Variants in DNAH3 observed in about 807,000 individuals in gnomAD.
DNAH3 encodes the protein axonemal beta dynein heavy chain 3.
DNAH3 carries 332 observed loss-of-function variants against 432.5 expected under a neutral mutation model. The observed-to-expected ratio is 0.77, with a 90% CI of 0.70 to 0.84. The LOEUF is 0.84. Among genes scored for constraint, DNAH3 ranks in the 40% least tolerant of loss-of-function variants. The pLI is 0.00. For synonymous variants in DNAH3, 1,956 were observed against 1,900.2 expected (o/e 1.03, Z -0.76); for missense variants, 4,861 against 5,114.0 (o/e 0.95, Z 1.51).
intron 51 of DNAH3, among the ~76,000 whole-genome samples, chr16:20,973,802 C>T (rs975431636): frequency 3.3e-4 from 50 of 152,130 alleles, no homozygotes; most frequent in African/African-American, 1.0e-3. Context: ...GCCTACAACA[C>T]GCCAGGCATA....
At chr16:21,096,714 A>G in intron 18 of DNAH3, among the ~76,000 whole-genome samples, 1 of 151,500 alleles carries the variant, frequency 6.6e-6, no homozygotes, top group East Asian at 1.9e-4. Context: ...TTTTTCAGTG[A>G]TGGTAATACC....
At chr16:21,110,504 G>C (rs2092045061) in intron 14 of DNAH3, among the ~76,000 whole-genome samples, 1 of 152,202 alleles carries the variant, frequency 6.6e-6, no homozygotes, top group African/African-American at 2.4e-5. Flanking sequence ...AGCCAACGTG[G>C]AGGAAAGCCA....
intron 7 of DNAH3, among the ~76,000 whole-genome samples, chr16:21,130,565 A>T (rs1425076580): frequency 6.6e-6 from 1 of 152,098 alleles, no homozygotes; most frequent in Non-Finnish European, 1.5e-5. Flanking sequence ...TCAGCCTCCC[A>T]AGGTGCTGGG....
chr16:20,986,488 CAG>C (rs1279454375), intron 47 of DNAH3, among the ~76,000 whole-genome samples: 1 of 152,072 alleles, frequency 6.6e-6, no homozygotes, highest in Non-Finnish European at 1.5e-5. Flanking sequence ...GCCTGGGTGA[CAG>C]AGTGAGGTCC....
chr16:21,054,174 T>C (rs915884115), intron 28 of DNAH3, among the ~76,000 whole-genome samples: 2 of 152,176 alleles, frequency 1.3e-5, no homozygotes, highest in African/African-American at 4.8e-5. Context: ...AGAAATGACT[T>C]TGGCCATCAT....
chr16:21,135,233 CTGAT>C (rs1296088348), intron 6 of DNAH3, among the ~76,000 whole-genome samples: 1 of 152,166 alleles, frequency 6.6e-6, no homozygotes, highest in Non-Finnish European at 1.5e-5. Flanking sequence ...TCATTAGTCA[CTGAT>C]TGATTTCTCA....
intron 6 of DNAH3, among the ~76,000 whole-genome samples, chr16:21,135,420 C>T (rs535369774): frequency 3.3e-5 from 5 of 151,968 alleles, no homozygotes; most frequent in Non-Finnish European, 5.9e-5. Flanking sequence ...AGGCTGGGTG[C>T]GGTGGCTCAC....
At chr16:20,987,901 AC>A (rs771998085) in intron 45 of DNAH3, 40 bp downstream of exon 45, 7 of 1,613,658 alleles carry the variant, frequency 4.3e-6, no homozygotes, top group Non-Finnish European at 5.9e-6. Context: ...GAAACTGAGA[AC>A]CCCCAGCCCA....
intron 18 of DNAH3, among the ~76,000 whole-genome samples, chr16:21,093,797 CA>C (rs1378777941): frequency 2.6e-5 from 4 of 152,024 alleles, no homozygotes; most frequent in African/African-American, 7.2e-5. Flanking sequence ...TGATTTTTGA[CA>C]AAGATACAAT....
At position 20,935,376 on chromosome 16, in the gene DNAH3, G is replaced by A. The variant is rs1217168383; in HGVS notation, c.11969C>T (p.Pro3990Leu). The A allele has an allele frequency of 8.7e-6, 14 of 1,613,808 alleles. No individual in the cohort carries two copies. The Middle Eastern group carries it at 6.6e-4, about 76-fold the overall frequency. ...AAACTCAAATCCAATGTGGTCAATGGGGATGGTATATTTCCGGGCATAATT... is the reference window on the plus strand; with the variant it reads ...AAACTCAAATCCAATGTGGTCAATGAGGATGGTATATTTCCGGGCATAATT... Residue 3990 changes from proline (P) to leucine (L), a missense_variant, in exon 61 of 62, where the codon CCC becomes CTC. Physicochemically the swap from Pro to Leu is moderately conservative, Grantham distance 98. Transcript: ENST00000261383.
chr16:20,968,692 T>C (rs1269164148), intron 52 of DNAH3, among the ~76,000 whole-genome samples: 1 of 151,798 alleles, frequency 6.6e-6, no homozygotes, highest in East Asian at 1.9e-4. Flanking sequence ...CTCTCTTTCT[T>C]CCTCTCCATT....
At chr16:21,048,418 G>A (rs569779301) in intron 31 of DNAH3, among the ~76,000 whole-genome samples, 4 of 152,308 alleles carry the variant, frequency 2.6e-5, no homozygotes, top group South Asian at 2.1e-4. Flanking sequence ...CGCAGTATTC[G>A]GGTGGGAGTG....
In DNAH3 at chr16:20,935,410, C is replaced by T. The variant is rs377222116; in HGVS notation, c.11935G>A (p.Val3979Ile). Residue 3979 changes from valine (V) to isoleucine (I), a missense_variant, in exon 61 of 62, where the codon GTC becomes ATC. Coordinates refer to ENST00000261383, the Ensembl canonical transcript of DNAH3. ...TATTTCCGGGCATAATTTTGAGAGA[C>T]GCCAGTCAAAAAAGACTGTGTGAAG... 3.7e-5 allele frequency: 59 copies of T among 1,612,448 alleles called. No individual in the cohort carries two copies. The highest frequency in any genetic ancestry group is 1.3e-4 in the Admixed American group (8 of 59,552).
At position 20,963,908 on chromosome 16, in the gene DNAH3, T is replaced by G. The variant is rs145236750; in HGVS notation, c.9976A>C (p.Ile3326Leu). The stretch of plus-strand genomic sequence containing the variant: ...GTCAAGGAATGCATGTAGAGATTTA[T>G]GAACCAAGTCAGGGAGTACTGGTAC... The change falls in exon 53 of 62, where the codon ATA becomes CTA. Residue 3326 changes from isoleucine (I) to leucine (L), a missense_variant. Ile to Leu is a conservative substitution (Grantham distance 5, BLOSUM62 2). Coordinates refer to ENST00000261383, the Ensembl canonical transcript of DNAH3. 93 of 1,614,042 alleles carry G rather than the reference T, an allele frequency of 5.8e-5. 2 individuals are homozygous for G. The Middle Eastern group carries it at 9.9e-4, about 17-fold the overall frequency.
At chr16:21,086,696 C>T (rs2091384546) in intron 19 of DNAH3, among the ~76,000 whole-genome samples, 153 bp downstream of exon 19, 1 of 152,198 alleles carries the variant, frequency 6.6e-6, no homozygotes, top group South Asian at 2.1e-4. Flanking sequence ...CTTCAGAAGT[C>T]TTGCCACTCT....
At chr16:21,136,500 T>G in exon 6 of DNAH3, 1 of 1,614,144 alleles carries the variant, frequency 6.2e-7, no homozygotes, top group Non-Finnish European at 8.5e-7. Flanking sequence ...ATTGGTCAGA[T>G]AGTAATAGTA....
chr16:21,147,013 G>A (rs978321643), intron 1 of DNAH3, among the ~76,000 whole-genome samples: 2 of 151,644 alleles, frequency 1.3e-5, no homozygotes, highest in African/African-American at 4.8e-5. Context: ...GCCCTCCTCG[G>A]CCTCCCAAAG....
intron 59 of DNAH3, among the ~76,000 whole-genome samples, chr16:20,938,869 C>G (rs903507148): frequency 3.9e-5 from 6 of 152,036 alleles, no homozygotes; most frequent in Admixed American, 3.3e-4. Context: ...CTCCACTTCC[C>G]AGGCCCAAGC....
In DNAH3 at chr16:21,137,261, T is replaced by TAAA. The variant is rs60457553; in HGVS notation, c.697-751_697-749dup. On this transcript the variant is annotated intron_variant, in intron 5 of 61. Coordinates refer to ENST00000261383, the Ensembl canonical transcript of DNAH3. ...AGACAAACAGGGTTGGATTTCTGTC[T>TAAA]AAAAAAAAAAAAAAAAAAGTAAAGG... is the stretch of plus-strand genomic sequence containing the variant. 1.1e-3 allele frequency among the ~76,000 whole-genome samples: 124 copies of TAAA among 117,014 alleles called. 1 individual carries two copies. Among genetic ancestry groups the TAAA allele is most frequent in the African/African-American group, 3.9e-3 (122 of 31,206 alleles). The allele number at this position is 117,014 out of a possible 152,430, so 76.8% of individuals were successfully genotyped here. A position where few individuals can be genotyped will look rare whatever the true frequency, so the allele number is the denominator to read the frequency against.
Sources: gnomAD v4.1 joint callset for allele counts (sites outside exome capture counted in the v4.1 genomes callset) on GRCh38, gnomAD v4.1.1 for gene constraint, MANE v1.5 for transcripts, NCBI Gene and HGNC (gene_info 2026-07-23, HGNC 2026-07-21) for gene names.